GRAP2: variants seen among roughly 807,000 people sequenced by gnomAD.
GRAP2 encodes GRB2-related adapter protein 2.
A neutral mutation model predicts 43.5 loss-of-function variants in GRAP2; 31 were observed. That is an observed-to-expected ratio of 0.71 (90% CI 0.54 to 0.96). The LOEUF (loss-of-function observed/expected upper bound fraction) is 0.96. Ranked by LOEUF, GRAP2 falls within the 40% of genes least tolerant of loss-of-function variation. GRAP2 has a pLI of 0.00. For missense variants in GRAP2, 371 were observed against 424.4 expected (o/e 0.87, Z 1.11); for synonymous variants, 156 against 164.8 (o/e 0.95, Z 0.41).
chr22:39,906,134 G>A (rs2066521570), intron 1 of GRAP2, among the ~76,000 whole-genome samples: 2 of 152,138 alleles, frequency 1.3e-5, no homozygotes, highest in Admixed American at 1.3e-4. Context: ...TATGAGACCT[G>A]GGACCTCAGA....
At chr22:39,970,825 T>A in intron 7 of GRAP2, 80 bp from the exon 8 acceptor site, 1 of 1,270,060 alleles carries the variant, frequency 7.9e-7, no homozygotes, top group Non-Finnish European at 1.1e-6. Context: ...GACTTGGATG[T>A]GGTGGGAGGA....
rs545080208 is a variant in GRAP2 at position 39,905,462 on chromosome 22, G to A, written c.-15+4132G>A. On this transcript the variant is annotated intron_variant, in intron 1 of 7. Coordinates refer to ENST00000344138, the MANE Select transcript of GRAP2 (RefSeq NM_004810.4). ...GAGCCCAGTCTTTCACTTACTAAGCGAATGAACTGGGACGAGTTATTCTTT... is the reference window on the plus strand; with the variant it reads ...GAGCCCAGTCTTTCACTTACTAAGCAAATGAACTGGGACGAGTTATTCTTT... 4.6e-5 allele frequency among the ~76,000 whole-genome samples: 7 copies of A among 152,122 alleles called. 1 individual carries two copies. The highest frequency in any genetic ancestry group is 1.4e-4 in the African/African-American group (6 of 41,404).
intron 1 of GRAP2, among the ~76,000 whole-genome samples, chr22:39,931,823 A>G (rs1477182605): frequency 2.0e-5 from 3 of 152,246 alleles, no homozygotes; most frequent in Non-Finnish European, 2.9e-5. Context: ...ATTCCAATAT[A>G]TAAAACTTAT....
intron 1 of GRAP2, among the ~76,000 whole-genome samples, chr22:39,934,804 A>G (rs1294570889): frequency 6.6e-6 from 1 of 152,094 alleles, no homozygotes; most frequent in Non-Finnish European, 1.5e-5. Context: ...CCCGGAGGTC[A>G]AGGCTACAGT....
At chr22:39,963,950 T>C (rs138003) in intron 4 of GRAP2, 127,935 of 154,552 alleles carry the variant, frequency 0.83, 53,670 homozygotes, top group African/African-American at 0.91. Flanking sequence ...TGGGAGGTGG[T>C]GCTTGCAGTG....
intron 4 of GRAP2, 155 bp downstream of exon 4, chr22:39,960,329 C>T: frequency 1.5e-6 from 1 of 666,078 alleles, no homozygotes; most frequent in South Asian, 1.8e-5. Flanking sequence ...CCTGCTGCTC[C>T]CAGTGCCTTC....
chr22:39,955,186 G>T (rs370309039), intron 2 of GRAP2, among the ~76,000 whole-genome samples: 1 of 152,030 alleles, frequency 6.6e-6, no homozygotes, highest in Non-Finnish European at 1.5e-5. Flanking sequence ...GTAAAACCCC[G>T]TCTCTCCTAA....
chr22:39,949,783 C>T (rs749484706), intron 2 of GRAP2, among the ~76,000 whole-genome samples: 3 of 152,132 alleles, frequency 2.0e-5, no homozygotes, highest in Non-Finnish European at 2.9e-5. Context: ...AATGGTGGCC[C>T]GCATTATCGG....
At chr22:39,896,675 G>A (rs546945928), upstream of GRAP2, among the ~76,000 whole-genome samples, 33 of 152,288 alleles carry the variant, frequency 2.2e-4, no homozygotes, top group Non-Finnish European at 4.3e-4. Flanking sequence ...CCAATAAACA[G>A]TGAGGGAGTT....
chr22:39,958,145 C>G (rs1385462710), intron 3 of GRAP2, among the ~76,000 whole-genome samples: 17 of 152,110 alleles, frequency 1.1e-4, no homozygotes, highest in Non-Finnish European at 2.5e-4. Flanking sequence ...CCCCCTCCCA[C>G]TGGAACACCT....
the GRAP2 span, among the ~76,000 whole-genome samples, chr22:39,894,473 C>T: frequency 4.6e-5 from 7 of 151,436 alleles, no homozygotes; most frequent in Admixed American, 1.3e-4. Flanking sequence ...TGCTAGATGA[C>T]GAGTTAGTGG....
At chr22:39,939,420 G>A (rs11703161) in intron 1 of GRAP2, among the ~76,000 whole-genome samples, 2,090 of 151,948 alleles carry the variant, frequency 0.014, 33 homozygotes, top group South Asian at 0.042. Context: ...AAATTAGCCG[G>A]GCGTGGTGGC....
chr22:39,910,795 T>C (rs913234925), intron 1 of GRAP2, among the ~76,000 whole-genome samples: 1 of 152,064 alleles, frequency 6.6e-6, no homozygotes, highest in Admixed American at 6.5e-5. Flanking sequence ...CATTTATTTC[T>C]ATTTCACTCG....
intron 1 of GRAP2, among the ~76,000 whole-genome samples, chr22:39,915,188 C>CAAA (rs71326789): frequency 1.8e-5 from 1 of 56,880 alleles, no homozygotes; most frequent in African/African-American, 6.9e-5. Flanking sequence ...GACTCCATCT[C>CAAA]AAAAAAAAAA....
chr22:39,902,604 C>T (rs2066499996), intron 1 of GRAP2, among the ~76,000 whole-genome samples: 1 of 152,068 alleles, frequency 6.6e-6, no homozygotes, highest in Non-Finnish European at 1.5e-5. Flanking sequence ...ATGTGGTAAA[C>T]TGAAATCTTA....
intron 5 of GRAP2, 22 bp downstream of exon 5, chr22:39,966,180 C>T (rs761805277): frequency 5.1e-5 from 82 of 1,603,926 alleles, no homozygotes; most frequent in Non-Finnish European, 6.7e-5. Context: ...ATCCAGTCGA[C>T]CCCAATCTAG....
chr22:39,896,081 G>A, the GRAP2 span, among the ~76,000 whole-genome samples: 5 of 152,170 alleles, frequency 3.3e-5, no homozygotes, highest in Admixed American at 1.3e-4. Flanking sequence ...GTTATGTTTG[G>A]AGAAGGTCAG....
intron 1 of GRAP2, among the ~76,000 whole-genome samples, chr22:39,921,747 C>T (rs1038623204): frequency 2.0e-5 from 3 of 152,214 alleles, no homozygotes; most frequent in Non-Finnish European, 2.9e-5. Context: ...AATTCCTTAT[C>T]ATCTGTGGTC....
In GRAP2 at chr22:39,946,967, G is replaced by A. The variant is rs2066928719; in HGVS notation, c.-14-126G>A. On this transcript the variant is annotated intron_variant, in intron 1 of 7. Coordinates refer to ENST00000344138, the MANE Select transcript of GRAP2 (RefSeq NM_004810.4). ...AGCCCTTGTTGTGTGCCTGAGCCTT[G>A]CTCTCCGGCCTGGAGACATCCATCT... 1.2e-5 allele frequency: 8 copies of A among 672,620 alleles called. No homozygotes were observed. In the Admixed American group the frequency reaches 1.5e-4, roughly 13 times the overall value. The allele number at this position is 672,620 out of a possible 1,614,324, so 41.7% of individuals were successfully genotyped here. A position where few individuals can be genotyped will look rare whatever the true frequency, so the allele number is the denominator to read the frequency against.
Sources: gnomAD v4.1 joint callset for allele counts (sites outside exome capture counted in the v4.1 genomes callset) on GRCh38, gnomAD v4.1.1 for gene constraint, MANE v1.5 for transcripts, NCBI Gene and HGNC (gene_info 2026-07-23, HGNC 2026-07-21) for gene names.